The following NRG1 variants were observed in gnomAD, a reference collection of about 807,000 sequenced individuals.
NRG1 encodes the protein pro-neuregulin-1, membrane-bound isoform.
A neutral mutation model predicts 63.8 loss-of-function variants in NRG1; 18 were observed. The ratio of observed to expected loss-of-function variants is 0.28; its 90% CI spans 0.19 to 0.42. The LOEUF is 0.42. NRG1 is among the 10% of genes least tolerant of loss of function. The pLI is 1.00. For missense variants in NRG1, 762 were observed against 814.7 expected (o/e 0.94, Z 0.79); for synonymous variants, 302 against 301.3 (o/e 1.00, Z -0.02).
intron 1 of NRG1, among the ~76,000 whole-genome samples, chr8:32,175,103 T>C (rs1171917368): frequency 6.6e-6 from 1 of 152,300 alleles, no homozygotes; most frequent in East Asian, 1.9e-4. Context: ...GCAAACTGAA[T>C]CCAGCAGCAC....
chr8:32,580,645 G>C (rs1245640268), intron 1 of NRG1, among the ~76,000 whole-genome samples: 1 of 152,084 alleles, frequency 6.6e-6, no homozygotes, highest in African/African-American at 2.4e-5. Flanking sequence ...TAGCATATGG[G>C]AGACTAAGAC....
In NRG1 at chr8:32,126,473, G is replaced by A. The variant is rs112999526; in HGVS notation, c.38-469355G>A. On this transcript the variant is annotated intron_variant, in intron 1 of 10. Coordinates refer to the NRG1 transcript ENST00000519301. ...CTCCTCACCTCCCAAAGAGTACCAA[G>A]GGATCATTCATTGTCACAGCTGTTG... Among the ~76,000 whole-genome samples, 172 of 151,990 alleles carry A rather than the reference G, an allele frequency of 1.1e-3. 2 individuals are homozygous for A. Among genetic ancestry groups the A allele is most frequent in the African/African-American group, 3.7e-3 (155 of 41,512 alleles).
At chr8:31,968,787 A>G (rs1462878) in intron 1 of NRG1, among the ~76,000 whole-genome samples, 114,822 of 152,078 alleles carry the variant, frequency 0.76, 44,004 homozygotes, top group Non-Finnish European at 0.82. Flanking sequence ...TTTGAGGGAT[A>G]TGCCACTTCT....
At chr8:32,435,243 C>A (rs1272354642) in intron 1 of NRG1, among the ~76,000 whole-genome samples, 2 of 152,116 alleles carry the variant, frequency 1.3e-5, no homozygotes, top group African/African-American at 4.8e-5. Flanking sequence ...ACCCCAGAGT[C>A]CCATTGGTTT....
intron 1 of NRG1, among the ~76,000 whole-genome samples, chr8:31,861,270 GGGAA>G (rs1828449145): frequency 6.6e-6 from 1 of 152,126 alleles, no homozygotes; most frequent in African/African-American, 2.4e-5. Flanking sequence ...CCCATTTTGA[GGGAA>G]GGCTAGTGTT....
chr8:31,752,744 C>G (rs1313482581), intron 1 of NRG1, among the ~76,000 whole-genome samples: 1 of 151,868 alleles, frequency 6.6e-6, no homozygotes, highest in Non-Finnish European at 1.5e-5. Flanking sequence ...AGACAAGGAA[C>G]AGAGGTGAAT....
At chr8:32,281,758 A>T (rs899843646) in intron 1 of NRG1, among the ~76,000 whole-genome samples, 1 of 152,092 alleles carries the variant, frequency 6.6e-6, no homozygotes, top group Non-Finnish European at 1.5e-5. Flanking sequence ...AGGCAGGAGG[A>T]TCACTTGAGC....
chr8:31,827,418 G>A (rs1824678210), intron 1 of NRG1, among the ~76,000 whole-genome samples: 1 of 152,042 alleles, frequency 6.6e-6, no homozygotes, highest in South Asian at 2.1e-4. Context: ...TTAGTGAGGT[G>A]ATCCTCTCCT....
At chr8:32,689,726 A>G (rs1056573762) in intron 5 of NRG1, among the ~76,000 whole-genome samples, 14 of 152,266 alleles carry the variant, frequency 9.2e-5, no homozygotes, top group African/African-American at 3.4e-4. Context: ...TACATATGAA[A>G]TATAAATATC....
intron 1 of NRG1, among the ~76,000 whole-genome samples, chr8:32,471,201 G>A (rs1023925382): frequency 6.6e-6 from 1 of 152,102 alleles, no homozygotes; most frequent in Non-Finnish European, 1.5e-5. Flanking sequence ...GTTTAACTTG[G>A]ATCAATGGAC....
intron 1 of NRG1, among the ~76,000 whole-genome samples, chr8:32,194,866 T>TTC (rs998113596): frequency 6.6e-6 from 1 of 152,104 alleles, no homozygotes; most frequent in Non-Finnish European, 1.5e-5. Context: ...ATGAAGGTTA[T>TTC]TCTTTAGGAG....
At chr8:31,837,467 T>C (rs1825784700) in intron 1 of NRG1, among the ~76,000 whole-genome samples, 1 of 152,106 alleles carries the variant, frequency 6.6e-6, no homozygotes. Context: ...TCATGGTAAT[T>C]AGCATATCAA....
chr8:32,158,471 A>ATATATATATATG (rs1838425752), intron 1 of NRG1, among the ~76,000 whole-genome samples: 3 of 133,396 alleles, frequency 2.2e-5, no homozygotes, highest in Non-Finnish European at 4.9e-5. Flanking sequence ...ATATATATAT[A>ATATATATATATG]TCATGTATAT....
At position 32,490,360 on chromosome 8, in the gene NRG1, G is replaced by T. The variant is rs1210175037; in HGVS notation, c.38-105468G>T. 2.6e-5 allele frequency among the ~76,000 whole-genome samples: 4 copies of T among 152,062 alleles called. No homozygotes were observed. In the East Asian group the frequency reaches 5.8e-4, roughly 22 times the overall value. ...GACATACTGAATCAGAAGCCTGGGG[G>T]TGTAGCTCAGCTTGTATTTTAACAA... On this transcript the variant is annotated intron_variant, in intron 1 of 10. Coordinates refer to the NRG1 transcript ENST00000519301.
At chr8:31,953,546 ATC>A (rs1400472583) in intron 1 of NRG1, among the ~76,000 whole-genome samples, 1 of 152,190 alleles carries the variant, frequency 6.6e-6, no homozygotes, top group Non-Finnish European at 1.5e-5. Flanking sequence ...AAAGTACACA[ATC>A]TCTCTTCTCC....
Position 32,404,938 on chromosome 8 carries a change from T to C in NRG1, c.38-190890T>C, listed in dbSNP as rs185779460. On this transcript the variant is annotated intron_variant, in intron 1 of 10. Coordinates refer to the NRG1 transcript ENST00000519301. ...GTTCGCTGTGGCTGGGGACATGATATTCCTCTTTCCCTCCCAGTTGCTCCT... is the reference window on the plus strand; with the variant it reads ...GTTCGCTGTGGCTGGGGACATGATACTCCTCTTTCCCTCCCAGTTGCTCCT... 1.7e-3 allele frequency among the ~76,000 whole-genome samples: 254 copies of C among 152,262 alleles called. 1 individual carries two copies. The highest frequency in any genetic ancestry group is 2.6e-3 in the Non-Finnish European group (179 of 68,008).
rs1805717627 is a variant in NRG1, at chr8:32,671,844, A to C, written c.502+54959A>C. 2.0e-5 allele frequency among the ~76,000 whole-genome samples: 3 copies of C among 152,198 alleles called. No individual in the cohort carries two copies. The South Asian group carries it at 6.2e-4, about 31-fold the overall frequency. Reference sequence around the variant, plus strand: ...AAGCAAACTAATGTGACATAAACATATTTATGTGATTAGAAAATCATTATA... The same window carrying C: ...AAGCAAACTAATGTGACATAAACATCTTTATGTGATTAGAAAATCATTATA... On this transcript the variant is annotated intron_variant, in intron 5 of 11. Transcript: ENST00000356819.
chr8:31,775,011 C>A (rs1017989330), intron 1 of NRG1, among the ~76,000 whole-genome samples: 1 of 152,076 alleles, frequency 6.6e-6, no homozygotes, highest in African/African-American at 2.4e-5. Context: ...ATTAGTACAA[C>A]CCCTATGGAA....
At chr8:32,240,393 G>T (rs576934447) in intron 1 of NRG1, among the ~76,000 whole-genome samples, 1 of 152,202 alleles carries the variant, frequency 6.6e-6, no homozygotes, top group Admixed American at 6.5e-5. Context: ...AGTTTCCAGG[G>T]GTCAGAGAGT....
Sources: allele counts gnomAD v4.1 joint callset (sites outside exome capture counted in the v4.1 genomes callset), GRCh38; gene constraint gnomAD v4.1.1; transcripts MANE v1.5; gene names NCBI Gene and HGNC (gene_info 2026-07-23, HGNC 2026-07-21).